VPS54: variants seen among roughly 807,000 people sequenced by gnomAD.
The protein encoded by VPS54 is vacuolar protein sorting-associated protein 54.
VPS54 carries 45 observed loss-of-function variants against 121.5 expected under a neutral mutation model. That is an observed-to-expected ratio of 0.37 (90% confidence interval 0.29 to 0.47). The LOEUF (loss-of-function observed/expected upper bound fraction) is 0.47, where lower values mean the gene tolerates loss of function less well. Ranked by LOEUF, VPS54 falls within the 20% of genes least tolerant of loss-of-function variation. The pLI is 0.99. For synonymous variants in VPS54, 371 were observed against 385.8 expected, an observed-to-expected ratio of 0.96 and a Z score of 0.45; for missense variants, 1,090 against 1,131.4, an observed-to-expected ratio of 0.96 and a Z score of 0.52.
intron 1 of VPS54, among the ~76,000 whole-genome samples, chr2:64,014,858 G>A (rs1162284497): frequency 1.3e-5 from 2 of 152,038 alleles, no homozygotes; most frequent in Non-Finnish European, 1.5e-5. Context: ...CATAAGGTAT[G>A]GATGATAAAT....
chr2:63,897,259 C>G (rs74360644), intron 22 of VPS54, among the ~76,000 whole-genome samples: 1 of 152,046 alleles, frequency 6.6e-6, no homozygotes, highest in East Asian at 1.9e-4. Context: ...CTAATTCACA[C>G]TGCCTCAAAA....
rs1481086180 is a variant in VPS54, at chr2:63,976,823, C to CTTTTTTTTTTTTT, written c.379-4580_379-4579insAAAAAAAAAAAAA. Among the ~76,000 whole-genome samples the CTTTTTTTTTTTTT allele has an allele frequency of 4.4e-5, 3 of 68,040 alleles. 1 individual carries two copies. The highest frequency in any genetic ancestry group is 8.7e-5 in the Non-Finnish European group (3 of 34,288). 44.6% of individuals were successfully genotyped at this position (68,040 alleles called of 152,430 possible). On this transcript the variant is annotated intron_variant, in intron 3 of 22. Coordinates refer to ENST00000272322, the MANE Select transcript of VPS54 (RefSeq NM_016516.3). ...TTTTGATACTAGTAGCTTATATCTT[C>CTTTTTTTTTTTTT]TCTTTTTTTTTTTTTTTTTTTTTGA...
In VPS54 at chr2:63,954,401, G is replaced by A. The variant is rs148055100; in HGVS notation, c.1011-5238C>T. Reference sequence around the variant, plus strand: ...TAAAAATTCATCAGTTATCTTTGGAGGATGCTAGATTTCCAATTCGTTATT... The same window carrying A: ...TAAAAATTCATCAGTTATCTTTGGAAGATGCTAGATTTCCAATTCGTTATT... On this transcript the variant is annotated intron_variant, in intron 7 of 22. Transcript: ENST00000272322. Among the ~76,000 whole-genome samples the A allele has an allele frequency of 6.3e-3, 955 of 152,202 alleles. 7 individuals are homozygous for A. The highest frequency in any genetic ancestry group is 0.021 in the African/African-American group (865 of 41,548).
chr2:63,964,213 G>C (rs947277423), intron 6 of VPS54, among the ~76,000 whole-genome samples: 4 of 152,088 alleles, frequency 2.6e-5, no homozygotes, highest in African/African-American at 7.2e-5. Context: ...AAAGGAGTCA[G>C]AATGTAAATA....
intron 7 of VPS54, among the ~76,000 whole-genome samples, chr2:63,960,718 T>C (rs767451354): frequency 5.3e-5 from 8 of 152,154 alleles, no homozygotes; most frequent in Non-Finnish European, 7.4e-5. Context: ...AATGACAAAA[T>C]TGACATTTAT....
At chr2:63,993,141 T>C (rs1677408322) in intron 1 of VPS54, among the ~76,000 whole-genome samples, 1 of 152,226 alleles carries the variant, frequency 6.6e-6, no homozygotes, top group African/African-American at 2.4e-5. Flanking sequence ...ACCACTCCTG[T>C]TCAATATTTA....
chr2:63,986,932 A>C (rs1192197683), intron 1 of VPS54, among the ~76,000 whole-genome samples: 1 of 152,168 alleles, frequency 6.6e-6, no homozygotes, highest in South Asian at 2.1e-4. Flanking sequence ...ATTTTTATCT[A>C]TAAGGTTGTT....
chr2:64,018,674 G>A (rs991551170), intron 1 of VPS54, among the ~76,000 whole-genome samples: 1 of 151,300 alleles, frequency 6.6e-6, no homozygotes. Context: ...AGGGGCAAGA[G>A]CGGCGTTTGC....
intron 12 of VPS54, among the ~76,000 whole-genome samples, chr2:63,922,564 G>A (rs1673694359): frequency 6.6e-6 from 1 of 152,132 alleles, no homozygotes; most frequent in Non-Finnish European, 1.5e-5. Flanking sequence ...CTCTGAGGTA[G>A]GTAGATAAAT....
intron 1 of VPS54, among the ~76,000 whole-genome samples, chr2:63,989,148 G>A (rs752721982): frequency 1.9e-4 from 29 of 152,090 alleles, no homozygotes; most frequent in Non-Finnish European, 3.8e-4. Flanking sequence ...TAGTCAGACC[G>A]GCTATCTTCT....
chr2:64,010,571 G>A (rs1678382133), intron 1 of VPS54, among the ~76,000 whole-genome samples: 1 of 152,108 alleles, frequency 6.6e-6, no homozygotes, highest in Non-Finnish European at 1.5e-5. Flanking sequence ...CATGTTCTAA[G>A]AAGTACTTTC....
intron 9 of VPS54, 55 bp from the exon 10 acceptor site, chr2:63,944,710 A>G: frequency 2.7e-6 from 4 of 1,457,446 alleles, no homozygotes; most frequent in Non-Finnish European, 3.8e-6. Flanking sequence ...TTCAAATCCT[A>G]AGTATTCCAT....
At chr2:64,007,299 G>C (rs1174636902) in intron 1 of VPS54, among the ~76,000 whole-genome samples, 1 of 152,192 alleles carries the variant, frequency 6.6e-6, no homozygotes, top group East Asian at 1.9e-4. Context: ...GAAGACAGAC[G>C]AGGAGGTGGT....
intron 1 of VPS54, among the ~76,000 whole-genome samples, chr2:64,017,215 T>C (rs1678745865): frequency 6.6e-6 from 1 of 151,358 alleles, no homozygotes. Flanking sequence ...GGGGCGCCTG[T>C]AGTCCCAGCT....
chr2:63,964,344 T>G (rs534324424), intron 6 of VPS54, among the ~76,000 whole-genome samples: 1 of 152,286 alleles, frequency 6.6e-6, no homozygotes, highest in South Asian at 2.1e-4. Context: ...CAATAATCCA[T>G]TGATTTACTC....
At chr2:63,967,868 T>C (rs1356945089) in intron 5 of VPS54, among the ~76,000 whole-genome samples, 3 of 152,006 alleles carry the variant, frequency 2.0e-5, no homozygotes, top group Non-Finnish European at 1.5e-5. Context: ...AAAGTACCCA[T>C]GTAAAGCTGC....
chr2:63,998,727 G>A (rs1430655766), intron 1 of VPS54, among the ~76,000 whole-genome samples: 1 of 151,822 alleles, frequency 6.6e-6, no homozygotes, highest in African/African-American at 2.4e-5. Flanking sequence ...ATAGCTTTTT[G>A]TTGTTTCTAT....
intron 1 of VPS54, among the ~76,000 whole-genome samples, chr2:63,990,321 C>T (rs181311579): frequency 0.013 from 1,885 of 150,462 alleles, 17 homozygotes; most frequent in Non-Finnish European, 0.015. Flanking sequence ...TATAAGCTCC[C>T]GCGGCCACGA....
chr2:63,927,798 C>G (rs1441564490), intron 12 of VPS54, among the ~76,000 whole-genome samples: 1 of 152,066 alleles, frequency 6.6e-6, no homozygotes, highest in African/African-American at 2.4e-5. Flanking sequence ...CTAGAATAAC[C>G]AGTCTAGAGA....
Sources: gnomAD v4.1 joint callset for allele counts (sites outside exome capture counted in the v4.1 genomes callset) on GRCh38, gnomAD v4.1.1 for gene constraint, MANE v1.5 for transcripts, NCBI Gene and HGNC (gene_info 2026-07-23, HGNC 2026-07-21) for gene names.